The following COL27A1 variants were observed in gnomAD, a reference collection of about 807,000 sequenced individuals.
COL27A1 encodes collagen type XXVII alpha 1 chain.
COL27A1 carries 106 observed loss-of-function variants against 251.3 expected under a neutral mutation model. That is an observed-to-expected ratio of 0.42 (90% CI 0.36 to 0.50). COL27A1 has a LOEUF of 0.50. Ranked by LOEUF, COL27A1 falls within the 20% of genes least tolerant of loss-of-function variation. The probability of loss-of-function intolerance (pLI) is 0.00; values close to 1 mark genes in which losing one functional copy is unlikely to be tolerated. For synonymous variants in COL27A1, 1,000 were observed against 986.3 expected, an observed-to-expected ratio of 1.01 and a Z score of -0.26; for missense variants, 2,325 against 2,522.8, an observed-to-expected ratio of 0.92 and a Z score of 1.68.
At chr9:114,266,526 G>A (rs1341005819) in intron 32 of COL27A1, 39 bp from the exon 33 acceptor site, 1 of 1,593,968 alleles carries the variant, frequency 6.3e-7, no homozygotes, top group African/African-American at 1.3e-5. Flanking sequence ...GGCCCAGGCT[G>A]ACCTCTCCCA....
intron 57 of COL27A1, 103 bp from the exon 58 acceptor site, chr9:114,306,416 AC>A: frequency 8.5e-7 from 1 of 1,183,390 alleles, no homozygotes; most frequent in Non-Finnish European, 1.2e-6. Flanking sequence ...TGACCGTGGA[AC>A]CGAGATACCT....
At chr9:114,295,523 C>G (rs1006225024) in intron 49 of COL27A1, among the ~76,000 whole-genome samples, 13 of 152,178 alleles carry the variant, frequency 8.5e-5, no homozygotes, top group Non-Finnish European at 1.9e-4. Context: ...ACTAATGGCA[C>G]TTGATTTCAA....
chr9:114,162,464 T>C (rs1848563892), intron 1 of COL27A1, among the ~76,000 whole-genome samples: 1 of 152,200 alleles, frequency 6.6e-6, no homozygotes, highest in Non-Finnish European at 1.5e-5. Context: ...TGACGTTGGC[T>C]AATTGATCTG....
rs1827737607 is a variant in COL27A1 at position 114,289,238 on chromosome 9, G to T, written c.4153-4G>T. The T allele has an allele frequency of 1.9e-6, 3 of 1,544,892 alleles. No homozygotes were observed. The highest frequency in any genetic ancestry group is 2.6e-6 in the Non-Finnish European group (3 of 1,141,872). On this transcript the variant is annotated splice_polypyrimidine_tract_variant and splice_region_variant and intron_variant, in intron 44 of 60. Transcript: ENST00000356083. ...GCCTTGCGTCATCTCACCTTGGTTT[G>T]CAGGGGCATCCGGGACCCCGGGGGT...
Position 114,168,374 on chromosome 9 carries a change from C to T in COL27A1, c.819C>T (p.Thr273=), listed in dbSNP as rs750381925. The T allele has an allele frequency of 8.1e-6, 13 of 1,613,340 alleles. No homozygotes were observed. The Admixed American group carries it at 2.2e-4, about 27-fold the overall frequency. ...DLALLGLENL[T]TATPALGSLP... ...CCCTGCTAGGCCTGGAGAACTTGACCACTGCCACACCAGCCCTGGGGTCAC... is the reference window on the plus strand; with the variant it reads ...CCCTGCTAGGCCTGGAGAACTTGACTACTGCCACACCAGCCCTGGGGTCAC... The change falls in exon 3 of 61, where the codon ACC becomes ACT. Residue 273 remains threonine (T), a synonymous_variant. Coordinates refer to ENST00000356083, the MANE Select transcript of COL27A1 (RefSeq NM_032888.4).
intron 57 of COL27A1, among the ~76,000 whole-genome samples, chr9:114,305,562 A>G (rs948608356): frequency 7.2e-5 from 11 of 152,200 alleles, no homozygotes. Flanking sequence ...TCGTGCACGT[A>G]AAAGTTAATT....
At position 114,253,037 on chromosome 9, in the gene COL27A1, G is replaced by A. The variant is rs113183480; in HGVS notation, c.3141+105G>A. On this transcript the variant is annotated intron_variant, in intron 27 of 60. Transcript: ENST00000356083. ...TGTAATCTCAGCACTTCGGGAGGCC[G>A]ATCACTTGAGGCCAGAGTTCAAGAC... The A allele has an allele frequency of 8.8e-4, 776 of 878,758 alleles. 4 individuals carry two copies. The African/African-American group carries it at 0.012, about 13-fold the overall frequency. The allele number at this position is 878,758 out of a possible 1,614,324, so 54.4% of individuals were successfully genotyped here.
At chr9:114,244,744 C>T (rs184288901) in intron 23 of COL27A1, among the ~76,000 whole-genome samples, 60 of 152,306 alleles carry the variant, frequency 3.9e-4, no homozygotes, top group African/African-American at 1.2e-3. Flanking sequence ...CTGGCTAGCC[C>T]GAGCCCATGT....
intron 56 of COL27A1, among the ~76,000 whole-genome samples, chr9:114,303,384 G>A (rs1042571230): frequency 2.0e-5 from 3 of 151,758 alleles, no homozygotes; most frequent in East Asian, 1.9e-4. Context: ...GATTATAGGC[G>A]CGAACCACCA....
chr9:114,177,786 C>T (rs1459671289), intron 3 of COL27A1, among the ~76,000 whole-genome samples: 3 of 152,178 alleles, frequency 2.0e-5, no homozygotes, highest in Non-Finnish European at 4.4e-5. Context: ...CTTGGTGTGA[C>T]CTTGGCCAAG....
Position 114,237,632 on chromosome 9 carries a change from T to C in COL27A1, c.2674-30T>C, listed in dbSNP as rs1832488739. The C allele has an allele frequency of 4.4e-6, 7 of 1,607,272 alleles. No individual in the cohort carries two copies. The East Asian group carries it at 1.6e-4, about 36-fold the overall frequency. On this transcript the variant is annotated intron_variant, in intron 18 of 60. Coordinates refer to ENST00000356083, the MANE Select transcript of COL27A1 (RefSeq NM_032888.4). ...TCATGGAAGGTGGGGTCCTCACCCC[T>C]GCCTCCCTGCAACCTCTTCTCTTCC...
chr9:114,254,424 G>A (rs1287509081), intron 27 of COL27A1, among the ~76,000 whole-genome samples: 2 of 152,126 alleles, frequency 1.3e-5, no homozygotes, highest in Non-Finnish European at 2.9e-5. Flanking sequence ...ACTTGCTTCA[G>A]ATCCCTGTTT....
chr9:114,158,103 G>T (rs529296437), intron 1 of COL27A1, among the ~76,000 whole-genome samples: 12 of 152,288 alleles, frequency 7.9e-5, no homozygotes, highest in African/African-American at 2.9e-4. Flanking sequence ...GGCACAGGGG[G>T]TCTGGCCAGT....
chr9:114,271,814 C>A (rs1246456982), intron 36 of COL27A1: 1 of 152,308 alleles, frequency 6.6e-6, no homozygotes, highest in Non-Finnish European at 1.5e-5. Flanking sequence ...GAGAAGCAGA[C>A]CCCTTCTCTG....
At chr9:114,212,013 C>A (rs943961857) in intron 12 of COL27A1, among the ~76,000 whole-genome samples, 9 of 152,198 alleles carry the variant, frequency 5.9e-5, no homozygotes, top group African/African-American at 2.2e-4. Flanking sequence ...AGGGGCCTCT[C>A]CGTGCTTCTG....
chr9:114,291,304 G>A (rs2131629288), intron 48 of COL27A1, among the ~76,000 whole-genome samples: 1 of 152,342 alleles, frequency 6.6e-6, no homozygotes, highest in South Asian at 2.1e-4. Flanking sequence ...CCAAGGGCTG[G>A]ACACTGAAGG....
At chr9:114,283,633 G>A (rs916330705) in intron 39 of COL27A1, 76 bp from the exon 40 acceptor site, 4 of 1,389,684 alleles carry the variant, frequency 2.9e-6, no homozygotes, top group African/African-American at 2.8e-5. Flanking sequence ...AGCGGGGCTG[G>A]AGCCTGCAGG....
At chr9:114,213,139 C>T (rs1415459251) in intron 12 of COL27A1, among the ~76,000 whole-genome samples, 1 of 152,198 alleles carries the variant, frequency 6.6e-6, no homozygotes, top group African/African-American at 2.4e-5. Flanking sequence ...AACTCCAGTG[C>T]CAGAGTGTAG....
chr9:114,275,012 G>T (rs1485474209), intron 36 of COL27A1, among the ~76,000 whole-genome samples: 2 of 150,292 alleles, frequency 1.3e-5, no homozygotes, highest in African/African-American at 4.9e-5. Context: ...AATTGCTTGA[G>T]CCCAGCAGTT....
Sources: gnomAD v4.1 joint callset for allele counts (sites outside exome capture counted in the v4.1 genomes callset) on GRCh38, gnomAD v4.1.1 for gene constraint, MANE v1.5 for transcripts, NCBI Gene and HGNC (gene_info 2026-07-23, HGNC 2026-07-21) for gene names.